GARNL3: variants seen among roughly 807,000 people sequenced by gnomAD.
The protein encoded by GARNL3 is GTPase activating Rap/RanGAP domain like 3.
A neutral mutation model predicts 125.0 loss-of-function variants in GARNL3; 63 were observed. That is an observed-to-expected ratio of 0.50 (90% CI 0.41 to 0.62). GARNL3 has a LOEUF of 0.62. Among genes scored for constraint, GARNL3 ranks in the 20% least tolerant of loss-of-function variants. GARNL3 has a pLI of 0.00. For missense variants in GARNL3, 994 were observed against 1,244.0 expected, an observed-to-expected ratio of 0.80 and a Z score of 3.02; for synonymous variants, 439 against 457.5, an observed-to-expected ratio of 0.96 and a Z score of 0.52.
At chr9:127,326,668 A>G (rs1195990630) in intron 7 of GARNL3, among the ~76,000 whole-genome samples, 1 of 152,188 alleles carries the variant, frequency 6.6e-6, no homozygotes, top group Non-Finnish European at 1.5e-5. Flanking sequence ...TATGGTCTGA[A>G]TGCTTGTGTC....
chr9:127,242,968 T>C lies in GARNL3; in HGVS notation c.-28-111T>C. 1 of 954,890 alleles carries C rather than the reference T, an allele frequency of 1.0e-6. No homozygotes were observed. The allele number at this position is 954,890 out of a possible 1,614,324, so 59.2% of individuals were successfully genotyped here. A position where few individuals can be genotyped will look rare whatever the true frequency, so the allele number is the denominator to read the frequency against. On this transcript the variant is annotated intron_variant, in intron 1 of 10. Coordinates refer to the GARNL3 transcript ENST00000439286. This position sits in a 1 kb window ranked among gnomAD's most constrained non-coding sequence, Gnocchi z 4.6. Reference sequence around the variant, plus strand: ...TCTTGAGGGTGCTTCAGTGTCACCCTCCTCCTTGCTTACCAGCGGGGCTGC... The same window carrying C: ...TCTTGAGGGTGCTTCAGTGTCACCCCCCTCCTTGCTTACCAGCGGGGCTGC...
rs181497595 is a variant in GARNL3 at position 127,280,976 on chromosome 9, A to G, written c.145-10192A>G. 1.8e-4 allele frequency among the ~76,000 whole-genome samples: 28 copies of G among 152,314 alleles called. No homozygotes were observed. Among genetic ancestry groups the G allele is most frequent in the African/African-American group, 6.5e-4 (27 of 41,588 alleles). ...GAGGATCTAGCCATAATCAAATAGC[A>G]TGAGCATGTTGTAGGCCTGGTCAGA... is the stretch of plus-strand genomic sequence containing the variant. On this transcript the variant is annotated intron_variant, in intron 1 of 27. Transcript: ENST00000373387. This position sits in a 1 kb window ranked among gnomAD's most constrained non-coding sequence, Gnocchi z 4.5.
At chr9:127,284,775 A>G (rs1034751697) in intron 1 of GARNL3, among the ~76,000 whole-genome samples, 1 of 151,534 alleles carries the variant, frequency 6.6e-6, no homozygotes, top group African/African-American at 2.4e-5. Context: ...AAATAAATTT[A>G]TACATGCATA....
intron 21 of GARNL3, among the ~76,000 whole-genome samples, chr9:127,358,289 G>A (rs1830795983): frequency 6.6e-6 from 1 of 152,242 alleles, no homozygotes; most frequent in Non-Finnish European, 1.5e-5. Flanking sequence ...TCTCTGTGAG[G>A]CAGGACAAGG....
At chr9:127,331,305 A>G (rs1829221626) in intron 7 of GARNL3, among the ~76,000 whole-genome samples, 1 of 152,014 alleles carries the variant, frequency 6.6e-6, no homozygotes, top group Non-Finnish European at 1.5e-5. Flanking sequence ...TCTGGCCAAC[A>G]TGGTGAAACC....
intron 21 of GARNL3, among the ~76,000 whole-genome samples, chr9:127,358,157 C>T (rs1290548776): frequency 1.3e-5 from 2 of 152,344 alleles, no homozygotes; most frequent in Middle Eastern, 3.4e-3. Context: ...TGAACCTTGG[C>T]GCCCACTGGA....
chr9:127,262,122 G>A (rs2131253057), upstream of GARNL3, among the ~76,000 whole-genome samples: 1 of 152,282 alleles, frequency 6.6e-6, no homozygotes, highest in South Asian at 2.1e-4. Flanking sequence ...CTCACTGGCT[G>A]CTGCCTGCCT....
At chr9:127,279,792 AAAAC>A in intron 1 of GARNL3, among the ~76,000 whole-genome samples, 1 of 152,318 alleles carries the variant, frequency 6.6e-6, no homozygotes, top group South Asian at 2.1e-4. Context: ...ACTTCAAACA[AAAAC>A]AAAGAGCTAT....
rs547051751 is a variant in GARNL3, at chr9:127,368,689, C to T, written c.2161+3323C>T. On this transcript the variant is annotated intron_variant, in intron 22 of 27. Transcript: ENST00000373387. ...GTGGCTCACGCCTGTAATCCCAGCA[C>T]TTTGAGAGGCTGAGGCGGGCAGATC... 9.3e-5 allele frequency among the ~76,000 whole-genome samples: 14 copies of T among 150,024 alleles called. No homozygotes were observed. The East Asian group carries it at 2.7e-3, about 29-fold the overall frequency.
chr9:127,299,893 G>A (rs2064731576), intron 2 of GARNL3, among the ~76,000 whole-genome samples: 1 of 151,196 alleles, frequency 6.6e-6, no homozygotes, highest in South Asian at 2.1e-4. Flanking sequence ...TAGTAGAGAT[G>A]GGGTTTCACC....
At chr9:127,243,175 G>A (rs372586626) in exon 2 of GARNL3, 76 of 1,366,330 alleles carry the variant, frequency 5.6e-5, no homozygotes, top group African/African-American at 1.0e-4. Flanking sequence ...AAGCAAAGTC[G>A]TCTCTCTCCT....
chr9:127,254,437 A>G (rs1222616797), intron 2 of GARNL3, among the ~76,000 whole-genome samples: 1 of 152,236 alleles, frequency 6.6e-6, no homozygotes. Context: ...CTGGAAGAAG[A>G]CATCTGTAAT....
chr9:127,299,178 G>T (rs756241900), intron 2 of GARNL3, among the ~76,000 whole-genome samples: 1 of 151,926 alleles, frequency 6.6e-6, no homozygotes, highest in Non-Finnish European at 1.5e-5. Context: ...GTAGCCGGGT[G>T]TGCTGGCGGG....
intron 15 of GARNL3, among the ~76,000 whole-genome samples, 195 bp downstream of exon 15, chr9:127,344,534 G>A (rs1339020947): frequency 6.6e-6 from 1 of 152,228 alleles, no homozygotes; most frequent in Non-Finnish European, 1.5e-5. Flanking sequence ...ATCACTGAGA[G>A]AGCAACACTC....
At chr9:127,353,578 T>C in intron 17 of GARNL3, 1 of 325,024 alleles carries the variant, frequency 3.1e-6, no homozygotes, top group Non-Finnish European at 5.6e-6. Context: ...TGAACAAAAA[T>C]AGCGTTTTCA....
At chr9:127,352,099 C>T (rs181215272) in intron 17 of GARNL3, among the ~76,000 whole-genome samples, 1 of 152,320 alleles carries the variant, frequency 6.6e-6, no homozygotes, top group East Asian at 1.9e-4. Context: ...AGTGCTGTTG[C>T]TGCTGTGGTC....
In GARNL3 at chr9:127,333,033, C is replaced by T. The variant is rs147774913; in HGVS notation, c.681C>T (p.Ser227=). 452 of 1,612,882 alleles carry T rather than the reference C, an allele frequency of 2.8e-4. No homozygotes were observed. The highest frequency in any genetic ancestry group is 3.7e-4 in the Non-Finnish European group (436 of 1,179,024). ...DDEMFSNEIG[S]EPFQKFLNLL... is the part of the protein sequence containing the mutation. Reference sequence around the variant, plus strand: ...TACTTCTTCCTGCAGAAATTGGAAGCGAGCCTTTTCAAAAATTTTTAAATC... The same window carrying T: ...TACTTCTTCCTGCAGAAATTGGAAGTGAGCCTTTTCAAAAATTTTTAAATC... Residue 227 remains serine (S), a synonymous_variant, in exon 9 of 28, where the codon AGC becomes AGT. Transcript: ENST00000373387.
intron 22 of GARNL3, among the ~76,000 whole-genome samples, chr9:127,373,856 A>G (rs10987625): frequency 0.31 from 47,884 of 152,038 alleles, 8,189 homozygotes; most frequent in Middle Eastern, 0.45. Context: ...ATTACAAAAA[A>G]TTAGCTGGGC....
chr9:127,248,360 G>A (rs1374335114), intron 2 of GARNL3, among the ~76,000 whole-genome samples: 2 of 152,088 alleles, frequency 1.3e-5, no homozygotes, highest in African/African-American at 4.8e-5. Flanking sequence ...AGAGGTAGGC[G>A]TGGGGGCCCA....
Sources: allele counts gnomAD v4.1 joint callset (sites outside exome capture counted in the v4.1 genomes callset), GRCh38; gene constraint gnomAD v4.1.1; non-coding constraint Gnocchi (gnomAD v3.1); transcripts MANE v1.5; gene names NCBI Gene and HGNC (gene_info 2026-07-23, HGNC 2026-07-21).